Variants in CFDP1 observed in about 807,000 individuals in gnomAD.
CFDP1 encodes chromatin remodeling protein CFDP1.
In CFDP1, 31 loss-of-function variants were observed where a neutral mutation model predicts 40.1. That is an observed-to-expected ratio of 0.77 (90% CI 0.58 to 1.04). CFDP1 has a LOEUF of 1.04. Among genes scored for constraint, CFDP1 ranks in the 50% least tolerant of loss-of-function variants. CFDP1 has a pLI of 0.00. For missense variants in CFDP1, 423 were observed against 343.4 expected, an observed-to-expected ratio of 1.23 and a Z score of -1.83; for synonymous variants, 167 against 120.0, an observed-to-expected ratio of 1.39 and a Z score of -2.56.
chr16:75,349,107 A>G (rs2078590025), intron 5 of CFDP1, among the ~76,000 whole-genome samples: 1 of 152,182 alleles, frequency 6.6e-6, no homozygotes, highest in South Asian at 2.1e-4. Context: ...GGCCTCAAGC[A>G]ATTCAGCCTC....
chr16:75,377,296 T>C (rs907202334), intron 5 of CFDP1, among the ~76,000 whole-genome samples: 1 of 152,234 alleles, frequency 6.6e-6, no homozygotes, highest in African/African-American at 2.4e-5. Context: ...ACATGATGAA[T>C]AGATGAATAC....
At chr16:75,414,237 A>T (rs760487753) in intron 2 of CFDP1, among the ~76,000 whole-genome samples, 6 of 152,188 alleles carry the variant, frequency 3.9e-5, no homozygotes, top group Non-Finnish European at 7.3e-5. Flanking sequence ...AAATATAGAC[A>T]TATATGCATT....
intron 6 of CFDP1, among the ~76,000 whole-genome samples, chr16:75,295,654 G>A (rs1256928901): frequency 6.6e-6 from 1 of 152,214 alleles, no homozygotes; most frequent in African/African-American, 2.4e-5. Context: ...AACCGTCAAT[G>A]AGGCCAGAAT....
chr16:75,368,876 T>C (rs941590591), intron 5 of CFDP1, among the ~76,000 whole-genome samples: 7 of 152,148 alleles, frequency 4.6e-5, no homozygotes, highest in Non-Finnish European at 1.0e-4. Flanking sequence ...AAAAAGTTGT[T>C]TGTTTGTTTT....
At position 75,398,318 on chromosome 16, in the gene CFDP1, C is replaced by G. The variant is rs190577749; in HGVS notation, c.531-3109G>C. On this transcript the variant is annotated intron_variant, in intron 4 of 6. Transcript: ENST00000283882. ...AGCAATGCTATAGAGAACCCTATAGCAGACAGGATATTCCAAAGATGGTTG... is the reference window on the plus strand; with the variant it reads ...AGCAATGCTATAGAGAACCCTATAGGAGACAGGATATTCCAAAGATGGTTG... 3.6e-3 allele frequency among the ~76,000 whole-genome samples: 551 copies of G among 152,308 alleles called. 5 individuals carry two copies. Among genetic ancestry groups the G allele is most frequent in the African/African-American group, 0.012 (496 of 41,568 alleles).
At chr16:75,369,948 A>T (rs2078739954) in intron 5 of CFDP1, among the ~76,000 whole-genome samples, 2 of 151,806 alleles carry the variant, frequency 1.3e-5, no homozygotes, top group African/African-American at 4.8e-5. Flanking sequence ...TATTATTATT[A>T]TTTTTAGTAG....
At chr16:75,332,335 C>T (rs1196488977) in intron 5 of CFDP1, among the ~76,000 whole-genome samples, 3 of 151,954 alleles carry the variant, frequency 2.0e-5, no homozygotes, top group Non-Finnish European at 4.4e-5. Context: ...TGTAGTGGCA[C>T]GCACCTATAA....
rs527509486 is a variant in CFDP1, at chr16:75,367,245, C to G, written c.650+27845G>C. Among the ~76,000 whole-genome samples, 8 of 150,734 alleles carry G rather than the reference C, an allele frequency of 5.3e-5. No homozygotes were observed. In the South Asian group the frequency reaches 1.7e-3, roughly 32 times the overall value. On this transcript the variant is annotated intron_variant, in intron 5 of 6. Transcript: ENST00000283882. The stretch of plus-strand genomic sequence containing the variant: ...GGATGAATTTTATGGTATGATAAAT[C>G]CCCACCACCACCCAAAAACCTGTTT...
At chr16:75,376,522 G>A (rs183791693) in intron 5 of CFDP1, among the ~76,000 whole-genome samples, 74 of 152,262 alleles carry the variant, frequency 4.9e-4, no homozygotes, top group Non-Finnish European at 8.4e-4. Context: ...TTTCCATGAC[G>A]TTCTGGAAAA....
chr16:75,433,222 C>T, intron 1 of CFDP1, 67 bp downstream of exon 1: 3 of 1,467,466 alleles, frequency 2.0e-6, no homozygotes, highest in Non-Finnish European at 2.8e-6. Context: ...CCCGCGGGGG[C>T]AGAGCGCGCC....
At chr16:75,425,616 T>G (rs2079331310) in intron 1 of CFDP1, among the ~76,000 whole-genome samples, 2 of 148,698 alleles carry the variant, frequency 1.3e-5, no homozygotes, top group South Asian at 4.2e-4. Flanking sequence ...GAAAGAATAA[T>G]CTTTTCAACA....
intron 5 of CFDP1, among the ~76,000 whole-genome samples, chr16:75,363,587 G>A (rs766782935): frequency 2.0e-5 from 3 of 151,762 alleles, no homozygotes; most frequent in African/African-American, 7.3e-5. Flanking sequence ...GTAGAGTCAG[G>A]GTTTCACCAT....
intron 5 of CFDP1, among the ~76,000 whole-genome samples, chr16:75,318,087 C>G (rs976453069): frequency 5.3e-5 from 8 of 151,968 alleles, no homozygotes; most frequent in Non-Finnish European, 8.8e-5. Flanking sequence ...CGCCACTGCA[C>G]TCCAGCGCGC....
At chr16:75,397,584 T>C (rs948866581) in intron 4 of CFDP1, among the ~76,000 whole-genome samples, 1 of 151,788 alleles carries the variant, frequency 6.6e-6, no homozygotes, top group African/African-American at 2.4e-5. Context: ...GGGCAGATTA[T>C]GAGGTCAGGA....
At chr16:75,416,400 A>G (rs2079205758) in intron 1 of CFDP1, among the ~76,000 whole-genome samples, 1 of 151,996 alleles carries the variant, frequency 6.6e-6, no homozygotes, top group South Asian at 2.1e-4. Context: ...GACTTTTAAA[A>G]TAATTCAGAA....
chr16:75,346,716 C>T (rs1315568353), intron 5 of CFDP1, among the ~76,000 whole-genome samples: 2 of 82,436 alleles, frequency 2.4e-5, no homozygotes, highest in African/African-American at 4.6e-5. Context: ...TAAAATCTTC[C>T]ACTCAAAAAA....
intron 5 of CFDP1, among the ~76,000 whole-genome samples, chr16:75,363,384 A>T (rs2078692511): frequency 6.6e-6 from 1 of 151,526 alleles, no homozygotes; most frequent in African/African-American, 2.4e-5. Flanking sequence ...CAAATGCAGG[A>T]AGCACTTTAC....
At chr16:75,355,624 C>T (rs1354937223) in intron 5 of CFDP1, among the ~76,000 whole-genome samples, 1 of 152,124 alleles carries the variant, frequency 6.6e-6, no homozygotes. Context: ...CCCTGAATTA[C>T]AATAATCTCC....
chr16:75,411,874 C>T lies in CFDP1; in HGVS notation c.481G>A (p.Glu161Lys). 1 of 1,612,630 alleles carries T rather than the reference C, an allele frequency of 6.2e-7. No homozygotes were observed. Among genetic ancestry groups the T allele is most frequent in the Non-Finnish European group, 8.5e-7 (1 of 1,179,686 alleles). ...AEELEKPKET[E>K]KVKITKVFDF... Reference sequence around the variant, plus strand: ...AACACCTTGGTGATTTTAACTTTTTCTGTTTCTTTAGGTTTCTCTAGCTCT... The same window carrying T: ...AACACCTTGGTGATTTTAACTTTTTTTGTTTCTTTAGGTTTCTCTAGCTCT... The change falls in exon 4 of 7, where the codon GAA (glutamate) becomes AAA (lysine). Residue 161 changes from glutamate to lysine, a missense_variant. By Grantham distance (56) the Glu-to-Lys change is moderately conservative. Transcript: ENST00000283882.
Sources: gnomAD v4.1 joint callset for allele counts (sites outside exome capture counted in the v4.1 genomes callset) on GRCh38, gnomAD v4.1.1 for gene constraint, MANE v1.5 for transcripts, NCBI Gene and HGNC (gene_info 2026-07-23, HGNC 2026-07-21) for gene names.